The following EXOC6 variants were observed in gnomAD, a reference collection of about 807,000 sequenced individuals.
EXOC6 encodes the protein exocyst complex component 6, also known as SEC15-like 1.
In EXOC6, 60 loss-of-function variants were observed where a neutral mutation model predicts 112.5. That is an observed-to-expected ratio of 0.53 (90% CI 0.43 to 0.66). EXOC6 has a LOEUF of 0.66. EXOC6 is among the 30% of genes least tolerant of loss of function. EXOC6 has a pLI of 0.00. For missense variants in EXOC6, 855 were observed against 957.1 expected (o/e 0.89, Z 1.41); for synonymous variants, 295 against 308.0 (o/e 0.96, Z 0.44).
chr10:92,960,345 G>C (rs1271467738), intron 17 of EXOC6, among the ~76,000 whole-genome samples: 1 of 152,144 alleles, frequency 6.6e-6, no homozygotes, highest in Non-Finnish European at 1.5e-5. Context: ...TGGTAGCCAG[G>C]AGTGAGGGAG....
intron 20 of EXOC6, among the ~76,000 whole-genome samples, chr10:93,052,490 G>A (rs1846343977): frequency 6.6e-6 from 1 of 152,164 alleles, no homozygotes; most frequent in Middle Eastern, 3.2e-3. Context: ...CTGAGGAAGT[G>A]AAATGTACAA....
At chr10:92,875,619 C>A (rs2133744229) in intron 1 of EXOC6, among the ~76,000 whole-genome samples, 1 of 152,106 alleles carries the variant, frequency 6.6e-6, no homozygotes, top group East Asian at 1.9e-4. Context: ...ATGAAAAACA[C>A]AAACTTTCTT....
chr10:93,007,290 T>A (rs114434613), intron 19 of EXOC6, among the ~76,000 whole-genome samples: 10,747 of 45,186 alleles, frequency 0.24, 657 homozygotes, highest in East Asian at 0.55. Flanking sequence ...ACTCAAAAAT[T>A]TTTTTTTTTT....
At chr10:92,992,339 A>G (rs2134160756) in intron 18 of EXOC6, among the ~76,000 whole-genome samples, 1 of 149,436 alleles carries the variant, frequency 6.7e-6, no homozygotes, top group East Asian at 2.0e-4. Context: ...TATTAATGTT[A>G]TTTGAACTCA....
intron 1 of EXOC6, among the ~76,000 whole-genome samples, chr10:92,855,038 T>C (rs1847533311): frequency 6.6e-6 from 1 of 152,282 alleles, no homozygotes; most frequent in Middle Eastern, 3.4e-3. Context: ...TTGGATTTGG[T>C]TTGCTAGTAT....
chr10:92,836,187 T>C (rs904170008), intron 1 of EXOC6, among the ~76,000 whole-genome samples: 7 of 152,226 alleles, frequency 4.6e-5, no homozygotes, highest in African/African-American at 1.4e-4. Context: ...GGCCTTCAAC[T>C]TGTAACCCTT....
At chr10:93,006,820 A>G (rs534118591) in intron 19 of EXOC6, among the ~76,000 whole-genome samples, 16 of 152,358 alleles carry the variant, frequency 1.1e-4, no homozygotes, top group African/African-American at 3.6e-4. Context: ...ATTGGCATTC[A>G]TATTCAGCCA....
At chr10:93,039,603 T>C (rs1845670308) in intron 20 of EXOC6, among the ~76,000 whole-genome samples, 1 of 152,240 alleles carries the variant, frequency 6.6e-6, no homozygotes, top group African/African-American at 2.4e-5. Flanking sequence ...GGTCAGACAC[T>C]GCTGTTTCTG....
intron 8 of EXOC6, among the ~76,000 whole-genome samples, chr10:92,927,835 G>C (rs1467059157): frequency 2.0e-5 from 3 of 152,142 alleles, no homozygotes; most frequent in African/African-American, 7.2e-5. Flanking sequence ...AAATCATATG[G>C]GAAAAGGAAA....
chr10:93,041,699 C>A (rs1476046379), intron 20 of EXOC6, among the ~76,000 whole-genome samples: 4 of 152,048 alleles, frequency 2.6e-5, no homozygotes, highest in Admixed American at 1.3e-4. Context: ...CAGGCGTGAG[C>A]CACCGTGCCC....
intron 18 of EXOC6, among the ~76,000 whole-genome samples, chr10:92,989,958 TTTATA>T (rs1446600181): frequency 6.6e-6 from 1 of 152,226 alleles, no homozygotes; most frequent in Non-Finnish European, 1.5e-5. Flanking sequence ...GATATCCATT[TTTATA>T]TTATATCCAT....
In EXOC6 at chr10:92,911,946, T is replaced by C. The variant is rs11187216; in HGVS notation, c.663+2315T>C. The stretch of plus-strand genomic sequence containing the variant: ...CTCTCTCTCTCTGTGTGCGTGTGTG[T>C]GTGTGTGTGTGTGTGTGTGTGTGTG... On this transcript the variant is annotated intron_variant, in intron 6 of 21. Transcript: ENST00000260762. 6.1e-4 allele frequency among the ~76,000 whole-genome samples: 53 copies of C among 87,580 alleles called. No homozygotes were observed. The East Asian group carries it at 0.021, about 35-fold the overall frequency. The allele number at this position is 87,580 out of a possible 152,430, so 57.5% of individuals were successfully genotyped here.
At chr10:92,858,528 C>T (rs531922999) in intron 1 of EXOC6, among the ~76,000 whole-genome samples, 1 of 152,252 alleles carries the variant, frequency 6.6e-6, no homozygotes, top group East Asian at 1.9e-4. Context: ...TTCACATCCA[C>T]TGTTGGGACC....
At position 92,872,890 on chromosome 10, in the gene EXOC6, G is replaced by A. The variant is rs553696327; in HGVS notation, c.102-20459G>A. Among the ~76,000 whole-genome samples the A allele has an allele frequency of 3.3e-5, 5 of 152,176 alleles. No homozygotes were observed. The South Asian group carries it at 1.0e-3, about 32-fold the overall frequency. ...TTCTTAACTGTAGATTAAGATTCCT[G>A]TAAAAGACTTGGGTTGAGTATATAG... On this transcript the variant is annotated intron_variant, in intron 1 of 21. Transcript: ENST00000260762.
At position 92,928,441 on chromosome 10, in the gene EXOC6, G is replaced by C. The variant is rs1851841811; in HGVS notation, c.972+19G>C. Reference sequence around the variant, plus strand: ...GAATATGGTAAGTATGCGATATTTTGAATTGGTTATGTTGTCACTTTTTAT... The same window carrying C: ...GAATATGGTAAGTATGCGATATTTTCAATTGGTTATGTTGTCACTTTTTAT... On this transcript the variant is annotated intron_variant, in intron 9 of 21. Coordinates refer to ENST00000260762, the MANE Select transcript of EXOC6 (RefSeq NM_019053.6). 2.7e-6 allele frequency: 4 copies of C among 1,497,684 alleles called. No individual in the cohort carries two copies. The highest frequency in any genetic ancestry group is 3.7e-6 in the Non-Finnish European group (4 of 1,078,186). The allele number at this position is 1,497,684 out of a possible 1,614,324, so 92.8% of individuals were successfully genotyped here.
At chr10:92,921,850 A>G (rs1264303902) in intron 8 of EXOC6, among the ~76,000 whole-genome samples, 1 of 151,860 alleles carries the variant, frequency 6.6e-6, no homozygotes, top group East Asian at 1.9e-4. Flanking sequence ...AGTTTACAGT[A>G]TAGTCTTACT....
intron 4 of EXOC6, among the ~76,000 whole-genome samples, chr10:92,896,049 ATATATATGTG>A (rs1715341927): frequency 1.7e-5 from 1 of 58,210 alleles, no homozygotes; most frequent in East Asian, 1.5e-3. Context: ...ATATATGTGT[ATATATATGTG>A]TATATATATG....
chr10:92,967,370 A>T (rs901391836), intron 17 of EXOC6, among the ~76,000 whole-genome samples: 3 of 152,020 alleles, frequency 2.0e-5, no homozygotes, highest in Admixed American at 2.0e-4. Flanking sequence ...GTGACTTAAA[A>T]ATTTCTAGAT....
At position 92,965,208 on chromosome 10, in the gene EXOC6, C is replaced by T. The variant is rs1278500561; in HGVS notation, c.1774-8845C>T. Among the ~76,000 whole-genome samples, 3 of 152,070 alleles carry T rather than the reference C, an allele frequency of 2.0e-5. No individual in the cohort carries two copies. In the East Asian group the frequency reaches 5.8e-4, roughly 29 times the overall value. ...TTACTAAAATCTTTAGCTATTACTACTTAGCTTTTATTCAAAACACACATG... is the reference window on the plus strand; with the variant it reads ...TTACTAAAATCTTTAGCTATTACTATTTAGCTTTTATTCAAAACACACATG... On this transcript the variant is annotated intron_variant, in intron 17 of 21. Transcript: ENST00000260762.
Sources: allele counts gnomAD v4.1 joint callset (sites outside exome capture counted in the v4.1 genomes callset), GRCh38; gene constraint gnomAD v4.1.1; transcripts MANE v1.5; gene names NCBI Gene and HGNC (gene_info 2026-07-23, HGNC 2026-07-21).